The following CEP112 variants were observed in gnomAD, a reference collection of about 807,000 sequenced individuals.
CEP112 encodes centrosomal protein of 112 kDa.
A neutral mutation model predicts 153.0 loss-of-function variants in CEP112; 127 were observed. The observed-to-expected ratio is 0.83, with a 90% CI of 0.72 to 0.96. The LOEUF is 0.96. CEP112 is among the 40% of genes least tolerant of loss of function. CEP112 has a pLI of 0.00. For missense variants in CEP112, 1,089 were observed against 1,101.2 expected, an observed-to-expected ratio of 0.99 and a Z score of 0.16; for synonymous variants, 358 against 374.4, an observed-to-expected ratio of 0.96 and a Z score of 0.51.
intron 8 of CEP112, among the ~76,000 whole-genome samples, chr17:66,073,010 A>C (rs1460092370): frequency 2.6e-5 from 4 of 152,198 alleles, no homozygotes; most frequent in Non-Finnish European, 5.9e-5. Flanking sequence ...GAAATTGAAA[A>C]ACATTTCTAA....
At chr17:66,118,163 T>C (rs1424865031) in intron 6 of CEP112, among the ~76,000 whole-genome samples, 1 of 152,150 alleles carries the variant, frequency 6.6e-6, no homozygotes, top group African/African-American at 2.4e-5. Flanking sequence ...ATGCTGGGTC[T>C]ACATCCAAAA....
intron 15 of CEP112, 85 bp from the exon 16 acceptor site, chr17:66,027,645 C>T (rs901227910): frequency 3.1e-5 from 30 of 968,214 alleles, no homozygotes; most frequent in South Asian, 7.4e-5. Context: ...ATCAATCAAT[C>T]TACTTAATGT....
In CEP112 at chr17:66,184,798, AT is replaced by A. The variant is rs202033742; in HGVS notation, c.-8-1492del. On this transcript the variant is annotated intron_variant, in intron 1 of 26. Coordinates refer to ENST00000535342, the MANE Select transcript of CEP112 (RefSeq NM_001199165.4). ...ATATACACAAAAAAATCCAAATGTG[AT>A]TTTTTTTAAATAACCACCAAACAAC... Among the ~76,000 whole-genome samples, 33 of 152,064 alleles carry A rather than the reference AT, an allele frequency of 2.2e-4. 1 individual carries two copies. Among genetic ancestry groups the A allele is most frequent in the Middle Eastern group, 3.2e-3 (1 of 316 alleles).
At chr17:65,894,019 T>G (rs914649018) in intron 20 of CEP112, among the ~76,000 whole-genome samples, 2 of 152,122 alleles carry the variant, frequency 1.3e-5, no homozygotes, top group African/African-American at 4.8e-5. Flanking sequence ...CAGGGATGTC[T>G]CTTACAGAAC....
At chr17:65,940,891 AC>A (rs1465990656) in intron 18 of CEP112, among the ~76,000 whole-genome samples, 1 of 152,160 alleles carries the variant, frequency 6.6e-6, no homozygotes, top group Non-Finnish European at 1.5e-5. Context: ...AATAGTCACC[AC>A]AAAAAACCAG....
At chr17:65,878,964 C>T (rs1006323041) in intron 20 of CEP112, among the ~76,000 whole-genome samples, 9 of 152,252 alleles carry the variant, frequency 5.9e-5, no homozygotes, top group Non-Finnish European at 8.8e-5. Context: ...TCTATTCCCC[C>T]AAAACCAGAA....
At chr17:65,953,485 T>C (rs1267467355) in intron 18 of CEP112, among the ~76,000 whole-genome samples, 3 of 152,256 alleles carry the variant, frequency 2.0e-5, no homozygotes, top group Admixed American at 2.0e-4. Context: ...ACATCACTGC[T>C]GCAGGCTCCC....
At chr17:66,013,495 A>C (rs1239437526) in intron 16 of CEP112, among the ~76,000 whole-genome samples, 1 of 152,096 alleles carries the variant, frequency 6.6e-6, no homozygotes, top group African/African-American at 2.4e-5. Flanking sequence ...GATTTTGAGG[A>C]GCCAAGGCTC....
intron 18 of CEP112, among the ~76,000 whole-genome samples, chr17:65,960,293 A>C (rs552379436): frequency 4.1e-4 from 62 of 152,316 alleles, no homozygotes; most frequent in African/African-American, 1.5e-3. Context: ...ATAATATTAG[A>C]TATAAAAGGG....
At chr17:65,655,135 A>G (rs1185441149) in intron 24 of CEP112, 2 of 735,116 alleles carry the variant, frequency 2.7e-6, no homozygotes. Context: ...GATGGGAGAT[A>G]ATAATGTCAT....
chr17:65,869,845 A>G (rs2058597452), intron 20 of CEP112, among the ~76,000 whole-genome samples: 1 of 152,040 alleles, frequency 6.6e-6, no homozygotes, highest in Admixed American at 6.5e-5. Context: ...TAGGTCTCCC[A>G]AAGTGCTGGG....
chr17:66,160,445 C>T (rs1447468529), intron 4 of CEP112, among the ~76,000 whole-genome samples: 1 of 152,162 alleles, frequency 6.6e-6, no homozygotes, highest in Non-Finnish European at 1.5e-5. Context: ...TCAGACTATA[C>T]TACAAGGCTA....
chr17:66,046,273 ACCTTGTGATCTGC>A (rs2066204836), intron 12 of CEP112, among the ~76,000 whole-genome samples: 1 of 152,140 alleles, frequency 6.6e-6, no homozygotes, highest in Admixed American at 6.5e-5. Flanking sequence ...CAATCTCCTG[ACCTTGTGATCTGC>A]CCGCCTCGGC....
At chr17:66,150,837 A>G (rs1436271603) in intron 4 of CEP112, among the ~76,000 whole-genome samples, 1 of 152,156 alleles carries the variant, frequency 6.6e-6, no homozygotes, top group African/African-American at 2.4e-5. Flanking sequence ...CTTTGGTACT[A>G]TTAGTTTTTG....
At chr17:65,996,937 G>A (rs1313255499) in intron 17 of CEP112, among the ~76,000 whole-genome samples, 2 of 152,096 alleles carry the variant, frequency 1.3e-5, no homozygotes, top group Non-Finnish European at 2.9e-5. Flanking sequence ...GGATGGGCAC[G>A]GTGGCCCACG....
chr17:66,130,792 A>C (rs1038848768), intron 5 of CEP112, among the ~76,000 whole-genome samples: 9 of 151,676 alleles, frequency 5.9e-5, no homozygotes, highest in South Asian at 2.1e-4. Context: ...AAAAAAAAAA[A>C]ACACACACAA....
At chr17:65,928,580 T>TTCAATCATAAAAAGGAAAGAAGTATTAA (rs1381982486) in intron 18 of CEP112, among the ~76,000 whole-genome samples, 4 of 152,188 alleles carry the variant, frequency 2.6e-5, no homozygotes, top group Non-Finnish European at 5.9e-5. Context: ...TAGAATATTA[T>TTCAATCATAAAAAGGAAAGAAGTATTAA]TCAATCATAA....
rs1437006059 is a variant in CEP112, at chr17:65,641,021, C to T, written c.2742G>A (p.Leu914=). Residue 914 remains leucine (L), a synonymous_variant, in exon 25 of 27, where the codon TTG becomes TTA. Coordinates refer to ENST00000535342, the MANE Select transcript of CEP112 (RefSeq NM_001199165.4). ...RQEYETKLKG[L]MPASLRQELE... The stretch of plus-strand genomic sequence containing the variant: ...GTTCTTGTCTTAGGGATGCTGGCAT[C>T]AATCCTTTCAATTTTGTTTCATATT... 3.7e-6 allele frequency: 6 copies of T among 1,611,468 alleles called. No homozygotes were observed. In the South Asian group the frequency reaches 4.4e-5, roughly 12 times the overall value.
At chr17:65,916,290 T>G (rs1450065678) in intron 19 of CEP112, among the ~76,000 whole-genome samples, 2 of 139,860 alleles carry the variant, frequency 1.4e-5, no homozygotes, top group East Asian at 3.9e-4. Context: ...TGTGTGTGTG[T>G]GTATGTGTGG....
Sources: gnomAD v4.1 joint callset for allele counts (sites outside exome capture counted in the v4.1 genomes callset) on GRCh38, gnomAD v4.1.1 for gene constraint, MANE v1.5 for transcripts, NCBI Gene and HGNC (gene_info 2026-07-23, HGNC 2026-07-21) for gene names.